Variants in SLC9C1 observed in about 807,000 individuals in gnomAD.
SLC9C1 encodes sodium/hydrogen exchanger 10.
A neutral mutation model predicts 140.9 loss-of-function variants in SLC9C1; 97 were observed. The observed-to-expected ratio is 0.69, with a 90% CI of 0.58 to 0.82. The LOEUF is 0.82. Ranked by LOEUF, SLC9C1 falls within the 40% of genes least tolerant of loss-of-function variation. SLC9C1 has a pLI of 0.00. For missense variants in SLC9C1, 1,340 were observed against 1,389.3 expected, an observed-to-expected ratio of 0.96 and a Z score of 0.56; for synonymous variants, 440 against 442.6, an observed-to-expected ratio of 0.99 and a Z score of 0.07.
intron 20 of SLC9C1, chr3:112,185,955 T>C (rs1229593021): frequency 1.9e-6 from 3 of 1,563,142 alleles, no homozygotes; most frequent in African/African-American, 1.3e-5. Context: ...CTTGGGGTGG[T>C]GGGCGACCAG....
intron 15 of SLC9C1, among the ~76,000 whole-genome samples, chr3:112,213,040 G>A (rs2108083816): frequency 6.6e-6 from 1 of 152,270 alleles, no homozygotes; most frequent in Non-Finnish European, 1.5e-5. Context: ...GAAGACAATG[G>A]GGGCCAATAT....
At chr3:112,288,800 C>T (rs1006273628) in intron 1 of SLC9C1, among the ~76,000 whole-genome samples, 6 of 151,960 alleles carry the variant, frequency 3.9e-5, no homozygotes, top group African/African-American at 1.2e-4. Context: ...TACTTGCATT[C>T]GTAGGTCTGA....
intron 7 of SLC9C1, among the ~76,000 whole-genome samples, chr3:112,269,161 G>C (rs1255010529): frequency 6.6e-6 from 1 of 152,096 alleles, no homozygotes; most frequent in East Asian, 1.9e-4. Flanking sequence ...TTTGTTGCCC[G>C]GGCTGGAGTG....
intron 13 of SLC9C1, among the ~76,000 whole-genome samples, chr3:112,230,044 A>G (rs943934299): frequency 6.6e-6 from 1 of 152,156 alleles, no homozygotes; most frequent in Non-Finnish European, 1.5e-5. Context: ...TGTGCTTTCT[A>G]AGGAAGCAAT....
chr3:112,188,277 G>A (rs1215211637), intron 20 of SLC9C1, among the ~76,000 whole-genome samples: 1 of 152,096 alleles, frequency 6.6e-6, no homozygotes, highest in Non-Finnish European at 1.5e-5. Flanking sequence ...GGGTACATGT[G>A]CACAACGTGC....
chr3:112,286,247 T>C (rs558845514), intron 2 of SLC9C1, among the ~76,000 whole-genome samples: 27 of 152,354 alleles, frequency 1.8e-4, no homozygotes, highest in Middle Eastern at 3.4e-3. Flanking sequence ...TTCCATTTCA[T>C]TTTTTTCTGC....
intron 23 of SLC9C1, among the ~76,000 whole-genome samples, chr3:112,176,685 A>T (rs1162072978): frequency 1.3e-5 from 2 of 152,210 alleles, no homozygotes; most frequent in Admixed American, 6.5e-5. Context: ...TATAGTAAGC[A>T]GTTCATTTAC....
Position 112,199,418 on chromosome 3 carries a change from T to C in SLC9C1, c.2426A>G (p.Glu809Gly). ...CATATTGAGCATAACATTAATTTCT[T>C]CCTTTGTTTTCACAGTGACAGCAAT... ...PEIAVTVKTK[E>G]EINVMLNMAT... The change falls in exon 20 of 29, where the codon GAA (glutamate) becomes GGA (glycine). Residue 809 changes from glutamate (E) to glycine (G), a missense_variant. Glu to Gly is a moderately conservative substitution (Grantham distance 98). Transcript: ENST00000305815. 1 of 1,599,662 alleles carries C rather than the reference T, an allele frequency of 6.3e-7. No individual in the cohort carries two copies. The highest frequency in any genetic ancestry group is 1.2e-5 in the South Asian group (1 of 86,592).
Position 112,182,395 on chromosome 3 carries a change from T to C in SLC9C1, c.2524-137A>G, listed in dbSNP as rs183254204. On this transcript the variant is annotated intron_variant, in intron 20 of 28. Transcript: ENST00000305815. ...CTTCCATGAACATTTTCAACCTCTCTTTATATCATGATTCTTTTTGTATCA... is the reference window on the plus strand; with the variant it reads ...CTTCCATGAACATTTTCAACCTCTCCTTATATCATGATTCTTTTTGTATCA... 844 of 898,784 alleles carry C rather than the reference T, an allele frequency of 9.4e-4. 7 individuals are homozygous for C. In the East Asian group the frequency reaches 0.014, roughly 15 times the overall value. The allele number at this position is 898,784 out of a possible 1,614,324, so 55.7% of individuals were successfully genotyped here.
At chr3:112,216,358 G>A (rs1409262947) in intron 15 of SLC9C1, among the ~76,000 whole-genome samples, 3 of 152,054 alleles carry the variant, frequency 2.0e-5, no homozygotes, top group Admixed American at 6.6e-5. Flanking sequence ...TGACAAATGG[G>A]ATCTAATTAA....
intron 2 of SLC9C1, among the ~76,000 whole-genome samples, chr3:112,284,554 T>A (rs999849486): frequency 2.6e-5 from 4 of 152,204 alleles, no homozygotes; most frequent in African/African-American, 9.7e-5. Flanking sequence ...CTGCTGCTGT[T>A]CAAGAGGCAG....
chr3:112,166,593 C>G (rs2077140837), intron 26 of SLC9C1, among the ~76,000 whole-genome samples: 1 of 152,090 alleles, frequency 6.6e-6, no homozygotes, highest in African/African-American at 2.4e-5. Flanking sequence ...TTTTTATAGA[C>G]ACAGGATTTT....
intron 15 of SLC9C1, among the ~76,000 whole-genome samples, chr3:112,210,328 C>G (rs940657024): frequency 6.6e-6 from 1 of 152,078 alleles, no homozygotes; most frequent in African/African-American, 2.4e-5. Context: ...GTTATTTAAC[C>G]TTAAATAGGA....
At chr3:112,170,955 T>C (rs1273743060) in intron 23 of SLC9C1, among the ~76,000 whole-genome samples, 1 of 152,236 alleles carries the variant, frequency 6.6e-6, no homozygotes, top group African/African-American at 2.4e-5. Flanking sequence ...GGCTCATGCC[T>C]GTAATCTTAG....
At chr3:112,288,699 G>C (rs946487388) in intron 1 of SLC9C1, among the ~76,000 whole-genome samples, 1 of 152,176 alleles carries the variant, frequency 6.6e-6, no homozygotes, top group African/African-American at 2.4e-5. Flanking sequence ...ATTCAAGGCT[G>C]CAGTGAACTA....
At position 112,215,936 on chromosome 3, in the gene SLC9C1, C is replaced by T. The variant is rs368838286; in HGVS notation, c.1790+1506G>A. 1.8e-4 allele frequency among the ~76,000 whole-genome samples: 27 copies of T among 152,270 alleles called. 1 individual carries two copies. Among genetic ancestry groups the T allele is most frequent in the African/African-American group, 4.3e-4 (18 of 41,550 alleles). On this transcript the variant is annotated intron_variant, in intron 15 of 28. Coordinates refer to ENST00000305815, the MANE Select transcript of SLC9C1 (RefSeq NM_183061.3). ...CAAAAGGACAAAGCTGGAGGCATCA[C>T]GCTACCTGACTTCAAACTATACTAC... is the stretch of plus-strand genomic sequence containing the variant.
chr3:112,293,195 C>T (rs2108384314), intron 1 of SLC9C1, among the ~76,000 whole-genome samples: 1 of 151,550 alleles, frequency 6.6e-6, no homozygotes, highest in South Asian at 2.1e-4. Flanking sequence ...ACAGGAGAAT[C>T]AATTGAAGAG....
chr3:112,235,888 T>C (rs1576412657), intron 12 of SLC9C1, among the ~76,000 whole-genome samples: 1 of 152,312 alleles, frequency 6.6e-6, no homozygotes, highest in African/African-American at 2.4e-5. Context: ...TTATTGAGGA[T>C]TTTTGCATCA....
Position 112,280,798 on chromosome 3 carries a change from T to C in SLC9C1, c.89-15A>G, listed in dbSNP as rs770047551. 1 of 1,605,966 alleles carries C rather than the reference T, an allele frequency of 6.2e-7. No individual in the cohort carries two copies. The highest frequency in any genetic ancestry group is 1.3e-5 in the African/African-American group (1 of 74,622). On this transcript the variant is annotated splice_polypyrimidine_tract_variant and intron_variant, in intron 2 of 28. Transcript: ENST00000305815. ...GTTCAAAAATGCTGCAAAAAATATG[T>C]TGTTACTGAAAGGCAATGAGATATC...
Sources: gnomAD v4.1 joint callset for allele counts (sites outside exome capture counted in the v4.1 genomes callset) on GRCh38, gnomAD v4.1.1 for gene constraint, MANE v1.5 for transcripts, NCBI Gene and HGNC (gene_info 2026-07-23, HGNC 2026-07-21) for gene names.